Variants in SERPINE2 observed in about 807,000 individuals in gnomAD.
The protein encoded by SERPINE2 is serpin family E member 2.
A neutral mutation model predicts 36.3 loss-of-function variants in SERPINE2; 14 were observed. That is an observed-to-expected ratio of 0.39 (90% CI 0.25 to 0.60). The LOEUF (loss-of-function observed/expected upper bound fraction) is 0.60. Ranked by LOEUF, SERPINE2 falls within the 20% of genes least tolerant of loss-of-function variation. The probability of loss-of-function intolerance (pLI) is 0.57; values close to 1 mark genes in which losing one functional copy is unlikely to be tolerated. For missense variants in SERPINE2, 418 were observed against 499.6 expected, an observed-to-expected ratio of 0.84 and a Z score of 1.56; for synonymous variants, 192 against 191.8, an observed-to-expected ratio of 1.00 and a Z score of -0.01.
At chr2:224,036,735 G>A (rs1226301877) in intron 1 of SERPINE2, among the ~76,000 whole-genome samples, 1 of 152,052 alleles carries the variant, frequency 6.6e-6, no homozygotes, top group Non-Finnish European at 1.5e-5. Flanking sequence ...GAACAGGAAG[G>A]GCAGACCAGT....
At chr2:224,038,470 G>A in intron 1 of SERPINE2, 1 of 1,549,862 alleles carries the variant, frequency 6.5e-7, no homozygotes, top group Non-Finnish European at 8.7e-7. Context: ...GAATTTCTGA[G>A]TACCGTACTT....
chr2:224,024,532 C>G (rs1692120616), intron 1 of SERPINE2, among the ~76,000 whole-genome samples: 1 of 152,216 alleles, frequency 6.6e-6, no homozygotes, highest in East Asian at 1.9e-4. Flanking sequence ...CCATTTAACA[C>G]TACTGTGGAA....
chr2:223,984,615 T>A (rs556486299), intron 5 of SERPINE2, 137 bp downstream of exon 5: 2 of 767,710 alleles, frequency 2.6e-6, no homozygotes, highest in South Asian at 3.6e-5. Flanking sequence ...GGCCTCGTAA[T>A]CCCACCATGA....
At position 223,984,743 on chromosome 2, in the gene SERPINE2, G is replaced by C. The variant is rs1426611823; in HGVS notation, c.884+9C>G. The stretch of plus-strand genomic sequence containing the variant: ...CCACTGTTTTCTTTGAGGGGAAGGG[G>C]CCACTTACTTGGGCAGGATCACCTG... On this transcript the variant is annotated intron_variant, in intron 5 of 8. Coordinates refer to ENST00000409304, the MANE Select transcript of SERPINE2 (RefSeq NM_001136528.2). 1.2e-6 allele frequency: 2 copies of C among 1,610,788 alleles called. No homozygotes were observed. Among genetic ancestry groups the C allele is most frequent in the Admixed American group, 3.3e-5 (2 of 59,800 alleles).
rs1051829972 is a variant in SERPINE2, at chr2:224,019,259, T to C, written c.-22-17337A>G. ...TAACAATAGTACAATAATAAAAATA[T>C]ATTGTTTTTTATATATTATACATAT... On this transcript the variant is annotated intron_variant, in intron 1 of 8. Transcript: ENST00000409304. 5.2e-4 allele frequency among the ~76,000 whole-genome samples: 8 copies of C among 15,430 alleles called. No individual in the cohort carries two copies. The South Asian group carries it at 0.013, about 24-fold the overall frequency. The allele number at this position is 15,430 out of a possible 152,430, so 10.1% of individuals were successfully genotyped here.
chr2:223,992,438 C>T (rs561241915), intron 3 of SERPINE2, among the ~76,000 whole-genome samples: 2 of 152,060 alleles, frequency 1.3e-5, no homozygotes, highest in African/African-American at 4.8e-5. Flanking sequence ...TGTTTTGCTC[C>T]ACTTGGTTTA....
chr2:223,979,843 T>C (rs1167581002), intron 7 of SERPINE2: 1 of 152,744 alleles, frequency 6.5e-6, no homozygotes, highest in African/African-American at 2.4e-5. Context: ...CAGAACATGT[T>C]TTATCCTCCT....
intron 1 of SERPINE2, among the ~76,000 whole-genome samples, chr2:224,035,383 T>TGTTTTTGTTTTTG (rs1692500045): frequency 2.2e-5 from 2 of 91,300 alleles, no homozygotes; most frequent in African/African-American, 6.6e-5. Flanking sequence ...TTTTTTGTTT[T>TGTTTTTGTTTTTG]GTTTTTGTTT....
chr2:224,032,685 C>T (rs1692418611), intron 1 of SERPINE2, among the ~76,000 whole-genome samples: 1 of 151,384 alleles, frequency 6.6e-6, no homozygotes, highest in Non-Finnish European at 1.5e-5. Context: ...AAATGATCTT[C>T]TGAAGCAAAG....
intron 4 of SERPINE2, among the ~76,000 whole-genome samples, chr2:223,988,007 C>T (rs182452453): frequency 6.6e-6 from 1 of 152,198 alleles, no homozygotes; most frequent in Admixed American, 6.5e-5. Context: ...AAAACAACAG[C>T]AAAATGCTCC....
chr2:224,036,641 T>TA (rs1692547303), intron 1 of SERPINE2, among the ~76,000 whole-genome samples: 2 of 56,740 alleles, frequency 3.5e-5, no homozygotes, highest in Non-Finnish European at 8.0e-5. Flanking sequence ...TTAATAAAAA[T>TA]TAAAAAAAAA....
At chr2:223,988,361 A>G in intron 4 of SERPINE2, among the ~76,000 whole-genome samples, 1 of 151,990 alleles carries the variant, frequency 6.6e-6, no homozygotes, top group East Asian at 1.9e-4. Context: ...TTGTAGAGAC[A>G]GGGTCTCGCT....
intron 1 of SERPINE2, among the ~76,000 whole-genome samples, chr2:224,036,406 G>T (rs1219319704): frequency 2.0e-5 from 3 of 150,034 alleles, no homozygotes; most frequent in African/African-American, 7.4e-5. Context: ...AACCTAGTGG[G>T]TATCCATAAG....
chr2:223,994,889 G>A (rs906647451), intron 3 of SERPINE2, among the ~76,000 whole-genome samples: 1 of 152,198 alleles, frequency 6.6e-6, no homozygotes, highest in Non-Finnish European at 1.5e-5. Flanking sequence ...CCATTTTACA[G>A]ACGAGAATGC....
At chr2:224,015,967 G>A (rs887941531) in intron 1 of SERPINE2, among the ~76,000 whole-genome samples, 1 of 152,156 alleles carries the variant, frequency 6.6e-6, no homozygotes, top group South Asian at 2.1e-4. Context: ...GGAAATAAAA[G>A]ACATGGATAG....
intron 1 of SERPINE2, among the ~76,000 whole-genome samples, chr2:224,020,453 G>A (rs1361511090): frequency 6.6e-6 from 1 of 152,168 alleles, no homozygotes; most frequent in Non-Finnish European, 1.5e-5. Context: ...ATATTTCCAT[G>A]GTGGGGCAAA....
intron 1 of SERPINE2, among the ~76,000 whole-genome samples, chr2:224,004,789 T>C (rs962490156): frequency 6.6e-6 from 1 of 151,724 alleles, no homozygotes; most frequent in South Asian, 2.1e-4. Flanking sequence ...ACTTCATCCA[T>C]CTCAATTGTT....
At position 223,975,783 on chromosome 2, in the gene SERPINE2, A is replaced by G. The variant is rs1689985938; in HGVS notation, c.*84T>C. On this transcript the variant is annotated 3_prime_UTR_variant, in exon 9 of 9. Transcript: ENST00000409304. Reference sequence around the variant, plus strand: ...AAAGAAGCGATGTACAAAAATATTTAACAGAACTATGAAAGATGCAGGAAA... The same window carrying G: ...AAAGAAGCGATGTACAAAAATATTTGACAGAACTATGAAAGATGCAGGAAA... 1.8e-6 allele frequency: 2 copies of G among 1,137,882 alleles called. No homozygotes were observed. Among genetic ancestry groups the G allele is most frequent in the Non-Finnish European group, 1.3e-6 (1 of 793,594 alleles). 70.5% of individuals were successfully genotyped at this position (1,137,882 alleles called of 1,614,324 possible).
In SERPINE2 at chr2:223,998,125, A is replaced by G. The variant is rs12457; in HGVS notation, c.477T>C (p.Asn159=). 0.21 allele frequency: 335,894 copies of G among 1,612,994 alleles called. 38,675 individuals carry two copies. Among genetic ancestry groups the G allele is most frequent in the African/African-American group, 0.46 (34,391 of 74,932 alleles). Residue 159 remains asparagine (N), a synonymous_variant, in exon 3 of 9, where the codon AAT becomes AAC. Coordinates refer to ENST00000409304, the MANE Select transcript of SERPINE2 (RefSeq NM_001136528.2). ...ACTGCGGCCACTCACCCCTGGTTTCATTTTTAACCCATGCATTGATGGAAT... is the reference window on the plus strand; with the variant it reads ...ACTGCGGCCACTCACCCCTGGTTTCGTTTTTAACCCATGCATTGATGGAAT... The part of the protein sequence containing the change: ...ACDSINAWVK[N]ETRDMIDNLL...
Sources: allele counts gnomAD v4.1 joint callset (sites outside exome capture counted in the v4.1 genomes callset), GRCh38; gene constraint gnomAD v4.1.1; transcripts MANE v1.5; gene names NCBI Gene and HGNC (gene_info 2026-07-23, HGNC 2026-07-21).